The following MDGA2 variants were observed in gnomAD, a reference collection of about 807,000 sequenced individuals.
MDGA2 encodes MAM domain-containing glycosylphosphatidylinositol anchor protein 2.
A neutral mutation model predicts 117.8 loss-of-function variants in MDGA2; 40 were observed. The ratio of observed to expected loss-of-function variants is 0.34; its 90% CI spans 0.26 to 0.44. MDGA2 has a LOEUF of 0.44. MDGA2 is among the 20% of genes least tolerant of loss of function. The pLI, the probability that MDGA2 is intolerant of heterozygous loss-of-function variation, is 1.00. For missense variants in MDGA2, 1,123 were observed against 1,250.6 expected, an observed-to-expected ratio of 0.90 and a Z score of 1.54; for synonymous variants, 452 against 439.0, an observed-to-expected ratio of 1.03 and a Z score of -0.37.
intron 14 of MDGA2, among the ~76,000 whole-genome samples, chr14:46,862,957 T>C (rs1268205178): frequency 6.6e-6 from 1 of 152,130 alleles, no homozygotes; most frequent in African/African-American, 2.4e-5. Context: ...CCATTCCTTC[T>C]GGTGCACAGG....
intron 8 of MDGA2, among the ~76,000 whole-genome samples, chr14:46,964,974 A>T (rs1314848504): frequency 2.0e-5 from 2 of 101,600 alleles, no homozygotes; most frequent in African/African-American, 1.2e-4. Context: ...TCCAGGCTGG[A>T]GTGCAGTGGC....
At chr14:46,956,859 G>A (rs931791124) in intron 9 of MDGA2, among the ~76,000 whole-genome samples, 11 of 152,070 alleles carry the variant, frequency 7.2e-5, no homozygotes, top group South Asian at 2.1e-4. Flanking sequence ...TGCTGTTCTC[G>A]TGATGGTGAG....
At chr14:47,422,932 T>C (rs1239479162) in intron 1 of MDGA2, among the ~76,000 whole-genome samples, 2 of 152,184 alleles carry the variant, frequency 1.3e-5, no homozygotes, top group East Asian at 1.9e-4. Flanking sequence ...GATAGATAGA[T>C]AGGTAGATAG....
chr14:47,478,367 T>C (rs1295247085), intron 1 of MDGA2, among the ~76,000 whole-genome samples: 2 of 152,224 alleles, frequency 1.3e-5, no homozygotes, highest in East Asian at 3.9e-4. Context: ...AAAAATTCAA[T>C]TGTATTTGAA....
At chr14:47,132,456 A>G (rs1882250900) in intron 4 of MDGA2, among the ~76,000 whole-genome samples, 1 of 151,946 alleles carries the variant, frequency 6.6e-6, no homozygotes, top group Non-Finnish European at 1.5e-5. Flanking sequence ...TTGTTATTTC[A>G]TGTTCAAGAG....
chr14:47,125,640 TA>T (rs887356880), intron 5 of MDGA2, among the ~76,000 whole-genome samples: 5 of 152,008 alleles, frequency 3.3e-5, no homozygotes, highest in African/African-American at 9.7e-5. Context: ...AGGAGAAAGA[TA>T]AATATTTTCC....
At chr14:46,941,793 C>T (rs1194427414) in intron 9 of MDGA2, among the ~76,000 whole-genome samples, 1 of 152,108 alleles carries the variant, frequency 6.6e-6, no homozygotes, top group Non-Finnish European at 1.5e-5. Flanking sequence ...TAGAAAGTTT[C>T]TTTTCTCTCA....
intron 1 of MDGA2, among the ~76,000 whole-genome samples, chr14:47,649,201 A>AAT (rs1897591701): frequency 6.6e-6 from 1 of 152,156 alleles, no homozygotes; most frequent in Non-Finnish European, 1.5e-5. Flanking sequence ...TAAATGAGGG[A>AAT]GTAAATTGCA....
chr14:47,620,667 T>A (rs1387710267), intron 1 of MDGA2, among the ~76,000 whole-genome samples: 1 of 152,158 alleles, frequency 6.6e-6, no homozygotes. Context: ...CAACAATTTT[T>A]AAATAAGATT....
rs534665360 is a variant in MDGA2 at position 47,510,076 on chromosome 14, A to G, written c.280+164441T>C. On this transcript the variant is annotated intron_variant, in intron 1 of 16. Coordinates refer to ENST00000399232, the MANE Select transcript of MDGA2 (RefSeq NM_001113498.3). ...TCGTACGTCGAATTCCTAACTCTCA[A>G]TTGTGATGGTAACAGGAGGTGGGAC... Among the ~76,000 whole-genome samples, 6 of 152,216 alleles carry G rather than the reference A, an allele frequency of 3.9e-5. No individual in the cohort carries two copies. In the South Asian group the frequency reaches 8.3e-4, roughly 21 times the overall value.
chr14:46,871,969 TA>T, intron 14 of MDGA2: 2 of 259,262 alleles, frequency 7.7e-6, no homozygotes, highest in Non-Finnish European at 1.6e-5. Context: ...GCCTGTCTCA[TA>T]AAAAATAAAA....
chr14:47,300,212 G>T (rs1889229673), intron 2 of MDGA2, among the ~76,000 whole-genome samples: 1 of 152,146 alleles, frequency 6.6e-6, no homozygotes. Flanking sequence ...CTGTAGCTTT[G>T]TTAGCTGGAT....
At chr14:47,038,087 A>C (rs1278466272) in intron 7 of MDGA2, among the ~76,000 whole-genome samples, 1 of 151,974 alleles carries the variant, frequency 6.6e-6, no homozygotes, top group Non-Finnish European at 1.5e-5. Flanking sequence ...GCACCACCAC[A>C]CCCAGCTAAT....
chr14:46,960,757 CAT>C (rs1471181597), intron 8 of MDGA2, among the ~76,000 whole-genome samples: 7 of 145,820 alleles, frequency 4.8e-5, no homozygotes, highest in Non-Finnish European at 1.0e-4. Flanking sequence ...TATATGCACA[CAT>C]ATGTAGAATT....
intron 5 of MDGA2, among the ~76,000 whole-genome samples, chr14:47,097,411 G>C (rs1880039078): frequency 6.6e-6 from 1 of 151,928 alleles, no homozygotes; most frequent in Non-Finnish European, 1.5e-5. Flanking sequence ...CATGATTAAG[G>C]TTTTAAAACA....
Position 47,509,115 on chromosome 14 carries a change from G to A in MDGA2, c.280+165402C>T, listed in dbSNP as rs186110983. On this transcript the variant is annotated intron_variant, in intron 1 of 16. Coordinates refer to ENST00000399232, the MANE Select transcript of MDGA2 (RefSeq NM_001113498.3). The stretch of plus-strand genomic sequence containing the variant: ...ACTTCACACACACAAGAGAACATGA[G>A]AAAGTAGCTGCCATTTGTACCAGAA... 4.4e-4 allele frequency among the ~76,000 whole-genome samples: 67 copies of A among 152,264 alleles called. No individual in the cohort carries two copies. In the East Asian group the frequency reaches 0.011, roughly 26 times the overall value.
intron 9 of MDGA2, among the ~76,000 whole-genome samples, chr14:46,938,537 T>C (rs1884869641): frequency 4.8e-5 from 1 of 20,746 alleles, no homozygotes; most frequent in Non-Finnish European, 1.1e-4. Flanking sequence ...CGAAAATCCA[T>C]CTCAAAAAAA....
At chr14:46,935,297 A>G (rs899350556) in intron 9 of MDGA2, among the ~76,000 whole-genome samples, 2 of 152,114 alleles carry the variant, frequency 1.3e-5, no homozygotes, top group African/African-American at 4.8e-5. Context: ...CACCGTGAGC[A>G]CACTTTAGTT....
At chr14:47,428,917 T>C (rs1187034169) in intron 1 of MDGA2, among the ~76,000 whole-genome samples, 1 of 152,114 alleles carries the variant, frequency 6.6e-6, no homozygotes, top group Non-Finnish European at 1.5e-5. Flanking sequence ...AAAAGCTTTG[T>C]TGAACAGAAT....
Sources: gnomAD v4.1 joint callset for allele counts (sites outside exome capture counted in the v4.1 genomes callset) on GRCh38, gnomAD v4.1.1 for gene constraint, MANE v1.5 for transcripts, NCBI Gene and HGNC (gene_info 2026-07-23, HGNC 2026-07-21) for gene names.